Variants in METTL15 observed in about 807,000 individuals in gnomAD.
The protein encoded by METTL15 is 12S rRNA N(4)-cytidine methyltransferase METTL15.
METTL15 carries 34 observed loss-of-function variants against 38.3 expected under a neutral mutation model. The ratio of observed to expected loss-of-function variants is 0.89; its 90% CI spans 0.68 to 1.18. METTL15 has a LOEUF of 1.18. METTL15 is among the 50% of genes most tolerant of loss of function. The probability of loss-of-function intolerance (pLI) is 0.00; values close to 1 mark genes in which losing one functional copy is unlikely to be tolerated. For synonymous variants in METTL15, 162 were observed against 170.9 expected, an observed-to-expected ratio of 0.95 and a Z score of 0.41; for missense variants, 438 against 498.4, an observed-to-expected ratio of 0.88 and a Z score of 1.15.
chr11:28,134,620 A>T (rs1849454350), intron 3 of METTL15: 1 of 398,374 alleles, frequency 2.5e-6, no homozygotes. Flanking sequence ...TGTTTTGGAA[A>T]AGCGGCAGTT....
chr11:28,396,522 C>G (rs1261637266), intron 5 of METTL15, among the ~76,000 whole-genome samples: 1 of 152,070 alleles, frequency 6.6e-6, no homozygotes, highest in Non-Finnish European at 1.5e-5. Flanking sequence ...ACCTAGGAAT[C>G]CAACTGACAA....
intron 3 of METTL15, among the ~76,000 whole-genome samples, chr11:28,165,724 T>A (rs981886676): frequency 2.0e-5 from 3 of 152,024 alleles, no homozygotes; most frequent in Non-Finnish European, 4.4e-5. Context: ...AAAAAAAAAA[T>A]TGCTTGGATC....
At chr11:28,474,368 CTG>C (rs1348969889) in intron 6 of METTL15, among the ~76,000 whole-genome samples, 2 of 152,028 alleles carry the variant, frequency 1.3e-5, no homozygotes, top group African/African-American at 2.4e-5. Context: ...TAATGCCTCT[CTG>C]TAAAATAGGT....
chr11:28,251,000 A>C (rs970948081), intron 4 of METTL15, among the ~76,000 whole-genome samples: 1 of 151,990 alleles, frequency 6.6e-6, no homozygotes, highest in East Asian at 1.9e-4. Context: ...ACACTATCAG[A>C]TCTGGATTTT....
intron 4 of METTL15, among the ~76,000 whole-genome samples, chr11:28,260,416 A>G (rs2133938754): frequency 6.6e-6 from 1 of 152,268 alleles, no homozygotes; most frequent in Non-Finnish European, 1.5e-5. Context: ...AGTTATCATT[A>G]CCTGGAACTA....
At chr11:28,231,916 T>C (rs2133883654) in intron 4 of METTL15, among the ~76,000 whole-genome samples, 1 of 151,978 alleles carries the variant, frequency 6.6e-6, no homozygotes, top group Middle Eastern at 3.4e-3. Flanking sequence ...ACTTTATACT[T>C]TTCAAACCCT....
At chr11:28,334,687 G>A (rs1347066948), downstream of METTL15, among the ~76,000 whole-genome samples, 1 of 152,058 alleles carries the variant, frequency 6.6e-6, no homozygotes, top group Non-Finnish European at 1.5e-5. Flanking sequence ...AATCTTATCT[G>A]TTTATAGCTA....
intron 6 of METTL15, among the ~76,000 whole-genome samples, chr11:28,304,169 A>G (rs192038322): frequency 3.3e-5 from 5 of 152,160 alleles, no homozygotes; most frequent in East Asian, 1.9e-4. Context: ...TTCCAATTCT[A>G]TTTTCCTGTC....
intron 4 of METTL15, among the ~76,000 whole-genome samples, chr11:28,248,437 A>G (rs962861113): frequency 9.9e-5 from 15 of 152,014 alleles, no homozygotes; most frequent in South Asian, 2.1e-4. Flanking sequence ...TCCCTTGTTC[A>G]TAGATTTTGT....
In METTL15 at chr11:28,401,742, TA is replaced by T. The variant is rs1305959114; in HGVS notation, c.*359-22548del. On this transcript the variant is annotated intron_variant and NMD_transcript_variant, in intron 5 of 7. Coordinates refer to the METTL15 transcript ENST00000532947. The stretch of plus-strand genomic sequence containing the variant: ...CCTCATTTGGCTAGTTAAGAGTGAC[TA>T]AAAAAAAACCACTACTCCTTTGTAA... 3.3e-5 allele frequency among the ~76,000 whole-genome samples: 5 copies of T among 150,872 alleles called. No homozygotes were observed. The South Asian group carries it at 8.4e-4, about 25-fold the overall frequency.
intron 4 of METTL15, among the ~76,000 whole-genome samples, chr11:28,234,108 T>C (rs1446700775): frequency 3.9e-5 from 6 of 152,162 alleles, no homozygotes; most frequent in Non-Finnish European, 5.9e-5. Flanking sequence ...TCCAATTTCA[T>C]GCATGTCCCT....
At chr11:28,138,184 A>G (rs1419057683) in intron 3 of METTL15, among the ~76,000 whole-genome samples, 1 of 151,988 alleles carries the variant, frequency 6.6e-6, no homozygotes, top group Non-Finnish European at 1.5e-5. Context: ...CTAGGCTATC[A>G]GAAGTTATCT....
intron 3 of METTL15, among the ~76,000 whole-genome samples, chr11:28,150,434 TCAAA>T (rs1394498768): frequency 6.6e-6 from 1 of 151,908 alleles, no homozygotes; most frequent in Non-Finnish European, 1.5e-5. Flanking sequence ...CACCTCTTCC[TCAAA>T]CAAACACACA....
At chr11:28,222,512 ATGCCTCGCCCTGCTT>A (rs1387322342) in intron 4 of METTL15, among the ~76,000 whole-genome samples, 15 of 152,148 alleles carry the variant, frequency 9.9e-5, no homozygotes, top group Admixed American at 2.0e-4. Context: ...GGGTGAGGCG[ATGCCTCGCCCTGCTT>A]TGGCTCACGC....
rs557553046 is a variant in METTL15 at position 28,494,121 on chromosome 11, G to T, written c.*425-32357G>T. Among the ~76,000 whole-genome samples, 4 of 152,316 alleles carry T rather than the reference G, an allele frequency of 2.6e-5. No homozygotes were observed. The South Asian group carries it at 8.3e-4, about 32-fold the overall frequency. On this transcript the variant is annotated intron_variant and NMD_transcript_variant, in intron 6 of 7. Coordinates refer to the METTL15 transcript ENST00000532947. ...TAGCAAACAAATTAGGATGAAAGAT[G>T]TCTCATTTTTTAATTGAAGGAAACT...
chr11:28,393,566 C>T (rs1043821849), intron 5 of METTL15, among the ~76,000 whole-genome samples: 21 of 152,128 alleles, frequency 1.4e-4, no homozygotes, highest in East Asian at 9.7e-4. Context: ...GGCTGGCAAA[C>T]GGGGGCTGGC....
chr11:28,276,352 T>C (rs1301126897), intron 4 of METTL15, among the ~76,000 whole-genome samples: 1 of 151,966 alleles, frequency 6.6e-6, no homozygotes, highest in East Asian at 1.9e-4. Context: ...ACAATAGCTA[T>C]AAAAATATAA....
chr11:28,314,414 T>G (rs1386033056), intron 6 of METTL15, among the ~76,000 whole-genome samples: 1 of 152,214 alleles, frequency 6.6e-6, no homozygotes, highest in Non-Finnish European at 1.5e-5. Context: ...TGTTACCATC[T>G]TCCAACTCTG....
intron 6 of METTL15, among the ~76,000 whole-genome samples, chr11:28,305,653 A>G (rs765889457): frequency 2.0e-5 from 3 of 152,174 alleles, no homozygotes; most frequent in Non-Finnish European, 4.4e-5. Context: ...CTGACAGCTC[A>G]GTCTTCAAGG....
Sources: gnomAD v4.1 joint callset for allele counts (sites outside exome capture counted in the v4.1 genomes callset) on GRCh38, gnomAD v4.1.1 for gene constraint, MANE v1.5 for transcripts, NCBI Gene and HGNC (gene_info 2026-07-23, HGNC 2026-07-21) for gene names.